Variants in ZNF385D observed in about 807,000 individuals in gnomAD.
ZNF385D encodes zinc finger protein 659.
Under a neutral mutation model 35.8 loss-of-function variants are expected in ZNF385D, and 15 were observed. That is an observed-to-expected ratio of 0.42 (90% confidence interval 0.28 to 0.64). ZNF385D has a LOEUF of 0.64. ZNF385D is among the 30% of genes least tolerant of loss of function. ZNF385D has a pLI of 0.23. For synonymous variants in ZNF385D, 212 were observed against 186.8 expected (o/e 1.13, Z -1.10); for missense variants, 474 against 494.6 (o/e 0.96, Z 0.39).
chr3:22,089,295 T>C (rs759630180), intron 3 of ZNF385D, among the ~76,000 whole-genome samples: 6 of 152,346 alleles, frequency 3.9e-5, no homozygotes, highest in East Asian at 1.9e-4. Flanking sequence ...ATAATCCTAA[T>C]ATAGCATTTT....
chr3:22,319,022 T>C (rs1174018825), intron 2 of ZNF385D, among the ~76,000 whole-genome samples: 1 of 152,200 alleles, frequency 6.6e-6, no homozygotes, highest in Middle Eastern at 3.2e-3. Flanking sequence ...CTAAAATGTT[T>C]GCAGGGCAGG....
chr3:21,703,057 G>A (rs552367498), intron 1 of ZNF385D, among the ~76,000 whole-genome samples: 11 of 152,096 alleles, frequency 7.2e-5, no homozygotes, highest in East Asian at 3.9e-4. Flanking sequence ...TTTCAGCAAC[G>A]TCTCACTCTA....
Position 22,127,317 on chromosome 3 carries a change from C to CTTTTTTTTTTTTTTTTTTTTTTTTT in ZNF385D, c.325+41475_325+41499dup, listed in dbSNP as rs71044975. 3.6e-5 allele frequency among the ~76,000 whole-genome samples: 2 copies of CTTTTTTTTTTTTTTTTTTTTTTTTT among 56,308 alleles called. 1 individual carries two copies. The highest frequency in any genetic ancestry group is 1.6e-4 in the African/African-American group (2 of 12,728). 36.9% of individuals were successfully genotyped at this position (56,308 alleles called of 152,430 possible). ...TCTGGTAGTATGTTTTCATTTCCTG[C>CTTTTTTTTTTTTTTTTTTTTTTTTT]TTTTTTTTTTTTTTTTTTTTTTTTT... On this transcript the variant is annotated intron_variant, in intron 3 of 5. Transcript: ENST00000494108.
At chr3:21,634,936 C>T (rs1349860480) in intron 2 of ZNF385D, among the ~76,000 whole-genome samples, 1 of 151,902 alleles carries the variant, frequency 6.6e-6, no homozygotes, top group Non-Finnish European at 1.5e-5. Context: ...TTTATTCATA[C>T]ATATCAGGAT....
intron 3 of ZNF385D, among the ~76,000 whole-genome samples, chr3:22,001,023 C>A (rs1695808636): frequency 1.3e-5 from 2 of 151,460 alleles, no homozygotes; most frequent in Admixed American, 1.3e-4. Flanking sequence ...TCAAAGGTTA[C>A]TGAATGTTAT....
At chr3:21,795,953 G>T (rs1295167696) in intron 3 of ZNF385D, among the ~76,000 whole-genome samples, 1 of 152,120 alleles carries the variant, frequency 6.6e-6, no homozygotes, top group Non-Finnish European at 1.5e-5. Context: ...AAGAACTTAA[G>T]GCATACATTT....
At chr3:22,199,404 A>G (rs1186197051) in intron 2 of ZNF385D, among the ~76,000 whole-genome samples, 2 of 152,158 alleles carry the variant, frequency 1.3e-5, no homozygotes, top group African/African-American at 4.8e-5. Flanking sequence ...GGCTGAATGC[A>G]AAAGCTATCC....
chr3:21,869,853 A>G (rs571288588), intron 3 of ZNF385D, among the ~76,000 whole-genome samples: 4 of 152,162 alleles, frequency 2.6e-5, no homozygotes, highest in Admixed American at 6.6e-5. Context: ...AAGTAGTTCA[A>G]TAAAGTAGGT....
rs573452860 is a variant in ZNF385D, at chr3:21,936,720, A to G, written c.325+232097T>C. On this transcript the variant is annotated intron_variant, in intron 3 of 5. Transcript: ENST00000494108. The stretch of plus-strand genomic sequence containing the variant: ...CTCAAGATGAATAAATAAATGATTC[A>G]AGTTTCTTGTCCTCATTAAAAGCTA... Among the ~76,000 whole-genome samples the G allele has an allele frequency of 2.6e-5, 4 of 152,280 alleles. No individual in the cohort carries two copies. In the East Asian group the frequency reaches 5.8e-4, roughly 22 times the overall value.
At chr3:22,246,979 C>T (rs1232205290) in intron 2 of ZNF385D, among the ~76,000 whole-genome samples, 1 of 151,890 alleles carries the variant, frequency 6.6e-6, no homozygotes, top group East Asian at 1.9e-4. Flanking sequence ...TTTATAGATA[C>T]ATTCATTTAA....
intron 3 of ZNF385D, among the ~76,000 whole-genome samples, chr3:21,941,654 C>A (rs940516818): frequency 6.6e-6 from 1 of 151,868 alleles, no homozygotes; most frequent in South Asian, 2.1e-4. Flanking sequence ...CCCGCCACCA[C>A]GTCCGGATAA....
intron 3 of ZNF385D, among the ~76,000 whole-genome samples, chr3:22,087,819 GT>G (rs1272273621): frequency 6.6e-6 from 1 of 152,086 alleles, no homozygotes; most frequent in Non-Finnish European, 1.5e-5. Flanking sequence ...AATAATCAAA[GT>G]TTAAAAAAAG....
chr3:22,079,726 T>A (rs1054557755), intron 3 of ZNF385D, among the ~76,000 whole-genome samples: 2 of 152,038 alleles, frequency 1.3e-5, no homozygotes, highest in African/African-American at 4.8e-5. Context: ...ATTTTCTCTT[T>A]GAAGGATGGT....
chr3:21,669,828 T>G (rs2066508463), intron 1 of ZNF385D, among the ~76,000 whole-genome samples: 1 of 152,218 alleles, frequency 6.6e-6, no homozygotes, highest in African/African-American at 2.4e-5. Flanking sequence ...TCTCTTCGCT[T>G]ATCTTGACTG....
chr3:21,655,081 G>A (rs1409969888), intron 2 of ZNF385D, among the ~76,000 whole-genome samples: 1 of 151,600 alleles, frequency 6.6e-6, no homozygotes, highest in Non-Finnish European at 1.5e-5. Context: ...ACACTTAAAG[G>A]GCAAAGAAAT....
chr3:21,445,465 CT>C (rs1306220337), intron 4 of ZNF385D, among the ~76,000 whole-genome samples: 1 of 152,142 alleles, frequency 6.6e-6, no homozygotes, highest in East Asian at 1.9e-4. Flanking sequence ...TGCCCTCTTT[CT>C]TTTCTTTAGC....
intron 2 of ZNF385D, among the ~76,000 whole-genome samples, chr3:21,586,344 C>T (rs2063810987): frequency 6.6e-6 from 1 of 152,054 alleles, no homozygotes; most frequent in African/African-American, 2.4e-5. Context: ...ATAATATAAG[C>T]AAAGTACTTA....
At chr3:21,753,440 G>A (rs1295330089), upstream of ZNF385D, among the ~76,000 whole-genome samples, 1 of 152,160 alleles carries the variant, frequency 6.6e-6, no homozygotes, top group African/African-American at 2.4e-5. Flanking sequence ...TCTGGTAATA[G>A]AACATGCCAA....
At chr3:21,624,273 A>G (rs1195421572) in intron 2 of ZNF385D, among the ~76,000 whole-genome samples, 1 of 152,078 alleles carries the variant, frequency 6.6e-6, no homozygotes, top group African/African-American at 2.4e-5. Flanking sequence ...CACAAACCTT[A>G]GCACAGAGTC....
Sources: allele counts gnomAD v4.1 joint callset (sites outside exome capture counted in the v4.1 genomes callset), GRCh38; gene constraint gnomAD v4.1.1; transcripts MANE v1.5; gene names NCBI Gene and HGNC (gene_info 2026-07-23, HGNC 2026-07-21).